Variants in SNX29 observed in about 807,000 individuals in gnomAD.
The protein encoded by SNX29 is sorting nexin-29.
SNX29 carries 78 observed loss-of-function variants against 102.1 expected under a neutral mutation model. The ratio of observed to expected loss-of-function variants is 0.76; its 90% CI spans 0.64 to 0.92. SNX29 has a LOEUF of 0.92. Ranked by LOEUF, SNX29 falls within the 40% of genes least tolerant of loss-of-function variation. SNX29 has a pLI of 0.00. For synonymous variants in SNX29, 580 were observed against 414.5 expected (o/e 1.40, Z -4.85); for missense variants, 1,280 against 1,061.7 (o/e 1.21, Z -2.86).
intron 14 of SNX29, among the ~76,000 whole-genome samples, chr16:12,212,421 A>G (rs1477263400): frequency 6.6e-6 from 1 of 152,176 alleles, no homozygotes; most frequent in Non-Finnish European, 1.5e-5. Context: ...GACAGAAGCC[A>G]TTGCCTGGAA....
chr16:12,061,480 G>T, intron 8 of SNX29, 48 bp from the exon 9 acceptor site: 1 of 1,482,986 alleles, frequency 6.7e-7, no homozygotes, highest in South Asian at 1.2e-5. Flanking sequence ...GAGTCATGCG[G>T]CCTGTGGGCT....
At chr16:12,524,619 A>T (rs752810047) in intron 19 of SNX29, 83 bp from the exon 20 acceptor site, 120 of 1,492,748 alleles carry the variant, frequency 8.0e-5, no homozygotes, top group Middle Eastern at 5.3e-4. Flanking sequence ...GATGGCGCTG[A>T]TGGGTGATCG....
chr16:12,353,303 A>C (rs918736337), intron 15 of SNX29, among the ~76,000 whole-genome samples: 8 of 152,222 alleles, frequency 5.3e-5, no homozygotes, highest in African/African-American at 1.9e-4. Flanking sequence ...TGGCCCCTGG[A>C]CACCTACTTG....
intron 13 of SNX29, among the ~76,000 whole-genome samples, chr16:12,157,842 C>G (rs1014499292): frequency 6.6e-6 from 1 of 152,184 alleles, no homozygotes; most frequent in African/African-American, 2.4e-5. Flanking sequence ...TGGGCCTTTG[C>G]ATGTGCTTGT....
chr16:12,401,875 A>C (rs1294338242), intron 17 of SNX29, among the ~76,000 whole-genome samples: 1 of 152,174 alleles, frequency 6.6e-6, no homozygotes, highest in African/African-American at 2.4e-5. Flanking sequence ...TTAAACAATC[A>C]ATTTCTGATA....
intron 20 of SNX29, among the ~76,000 whole-genome samples, chr16:12,529,749 C>T (rs2076882147): frequency 6.6e-6 from 1 of 152,052 alleles, no homozygotes; most frequent in African/African-American, 2.4e-5. Flanking sequence ...ATATGAGCTG[C>T]CTTGTTCTCC....
At position 12,356,213 on chromosome 16, in the gene SNX29, G is replaced by A. The variant is rs750202791; in HGVS notation, c.1833G>A (p.Arg611=). 11 of 1,613,472 alleles carry A rather than the reference G, an allele frequency of 6.8e-6. No homozygotes were observed. The South Asian group carries it at 9.9e-5, about 15-fold the overall frequency. Residue 611 remains arginine, a synonymous_variant, in exon 16 of 21, where the codon AGG becomes AGA. Transcript: ENST00000566228. ...ELIEFNERLH[R]ALVAKEALVS... ...TTGAGTTCAACGAGCGCCTGCACAGGGCCCTGGTAGCCAAGGAAGCCCTCG... is the reference window on the plus strand; with the variant it reads ...TTGAGTTCAACGAGCGCCTGCACAGAGCCCTGGTAGCCAAGGAAGCCCTCG...
chr16:12,477,566 A>G (rs1406940421), intron 18 of SNX29, among the ~76,000 whole-genome samples, 153 bp from the exon 19 acceptor site: 1 of 152,210 alleles, frequency 6.6e-6, no homozygotes, highest in African/African-American at 2.4e-5. Context: ...GCACTAATAA[A>G]TCCCTGCTCT....
At chr16:12,259,329 C>G (rs142189034) in intron 14 of SNX29, among the ~76,000 whole-genome samples, 2 of 152,166 alleles carry the variant, frequency 1.3e-5, no homozygotes, top group Non-Finnish European at 1.5e-5. Context: ...CGTTCTACCC[C>G]GTCTTTGAGA....
intron 8 of SNX29, among the ~76,000 whole-genome samples, chr16:12,054,766 C>A (rs969287995): frequency 6.6e-6 from 1 of 152,200 alleles, no homozygotes; most frequent in African/African-American, 2.4e-5. Flanking sequence ...GTCTCTCTCT[C>A]TTCAGGCACA....
At chr16:12,387,178 C>G (rs2083370184) in intron 16 of SNX29, among the ~76,000 whole-genome samples, 1 of 152,078 alleles carries the variant, frequency 6.6e-6, no homozygotes, top group African/African-American at 2.4e-5. Context: ...CATTACTGAT[C>G]CAAAGAAACC....
intron 11 of SNX29, among the ~76,000 whole-genome samples, chr16:12,082,307 C>G (rs2051940778): frequency 6.6e-6 from 1 of 152,074 alleles, no homozygotes; most frequent in South Asian, 2.1e-4. Flanking sequence ...TGGCAGGTGT[C>G]TGACATTCTG....
At chr16:12,257,147 T>C (rs2078597600) in intron 14 of SNX29, among the ~76,000 whole-genome samples, 1 of 152,202 alleles carries the variant, frequency 6.6e-6, no homozygotes. Flanking sequence ...AGGTTCCCGC[T>C]TCTGGTTGGC....
At position 12,547,100 on chromosome 16, in the gene SNX29, C is replaced by T. The variant is rs140200520; in HGVS notation, c.2319-21406C>T. ...CATGCCTATGTGAGGTGGCGATTTC[C>T]AGTGAAAAGACAGGAAATGACATCA... On this transcript the variant is annotated intron_variant, in intron 20 of 20. Transcript: ENST00000566228. 1.2e-4 allele frequency among the ~76,000 whole-genome samples: 19 copies of T among 152,264 alleles called. No individual in the cohort carries two copies. In the East Asian group the frequency reaches 3.1e-3, roughly 25 times the overall value.
In SNX29 at chr16:12,278,014, C is replaced by T; in HGVS notation, c.1760C>T (p.Ser587Phe). The part of the protein sequence containing the change: ...PGEIAEELAS[S>F]YERKLIEVAE... ...GAAATTGCTGAAGAACTCGCAAGCT[C>T]CTACGAAAGAAAGCTCATCGAGGTA... The change falls in exon 15 of 21, where the codon TCC (serine) becomes TTC (phenylalanine). Residue 587 changes from serine (S) to phenylalanine (F), a missense_variant. Coordinates refer to ENST00000566228, the MANE Select transcript of SNX29 (RefSeq NM_032167.5). 1 of 1,603,744 alleles carries T rather than the reference C, an allele frequency of 6.2e-7. No homozygotes were observed. Among genetic ancestry groups the T allele is most frequent in the Non-Finnish European group, 8.5e-7 (1 of 1,175,058 alleles).
intron 20 of SNX29, among the ~76,000 whole-genome samples, chr16:12,561,484 G>A (rs1033227303): frequency 6.6e-6 from 1 of 152,124 alleles, no homozygotes; most frequent in African/African-American, 2.4e-5. Flanking sequence ...GTATTGACCG[G>A]CTCGCCAGAC....
At chr16:12,452,438 C>G (rs12599153) in intron 18 of SNX29, among the ~76,000 whole-genome samples, 54,674 of 113,194 alleles carry the variant, frequency 0.48, 10,028 homozygotes, top group African/African-American at 0.6. Flanking sequence ...GTGCTAAATG[C>G]AGAAAGTCAG....
At chr16:12,567,919 C>T (rs756036380) in intron 20 of SNX29, among the ~76,000 whole-genome samples, 25 of 152,184 alleles carry the variant, frequency 1.6e-4, no homozygotes, top group South Asian at 2.1e-4. Flanking sequence ...GACCCACACA[C>T]GCTGTGTGTT....
chr16:12,113,336 G>C (rs1426631127), intron 11 of SNX29, among the ~76,000 whole-genome samples: 1 of 152,166 alleles, frequency 6.6e-6, no homozygotes, highest in African/African-American at 2.4e-5. Context: ...CTGCAAGGGA[G>C]GTAGAGTCGC....
Sources: gnomAD v4.1 joint callset for allele counts (sites outside exome capture counted in the v4.1 genomes callset) on GRCh38, gnomAD v4.1.1 for gene constraint, MANE v1.5 for transcripts, NCBI Gene and HGNC (gene_info 2026-07-23, HGNC 2026-07-21) for gene names.